Variants in PCDHGA6 observed in about 807,000 individuals in gnomAD.
The protein encoded by PCDHGA6 is protocadherin gamma-A6.
A neutral mutation model predicts 60.6 loss-of-function variants in PCDHGA6; 41 were observed. The observed-to-expected ratio is 0.68, with a 90% CI of 0.53 to 0.88. The LOEUF is 0.88. Ranked by LOEUF, PCDHGA6 falls within the 40% of genes least tolerant of loss-of-function variation. The pLI is 0.00. For missense variants in PCDHGA6, 1,312 were observed against 1,203.0 expected, an observed-to-expected ratio of 1.09 and a Z score of -1.34; for synonymous variants, 594 against 524.4, an observed-to-expected ratio of 1.13 and a Z score of -1.81.
chr5:141,382,360 A>C (rs1310834058), intron 1 of PCDHGA6, among the ~76,000 whole-genome samples: 1 of 152,210 alleles, frequency 6.6e-6, no homozygotes, highest in Non-Finnish European at 1.5e-5. Flanking sequence ...ATTTAAATAA[A>C]ATTTACCTTT....
intron 2 of PCDHGA6, among the ~76,000 whole-genome samples, chr5:141,504,008 C>G (rs2099835164): frequency 6.6e-6 from 1 of 152,208 alleles, no homozygotes; most frequent in South Asian, 2.1e-4. Flanking sequence ...ACTTAACTGT[C>G]TCTGCTGGTC....
At chr5:141,496,994 T>A (rs2099773177) in intron 2 of PCDHGA6, among the ~76,000 whole-genome samples, 1 of 151,862 alleles carries the variant, frequency 6.6e-6, no homozygotes, top group Non-Finnish European at 1.5e-5. Flanking sequence ...GAGACCAGCC[T>A]GGCAGCCAAC....
chr5:141,374,849 C>A lies in PCDHGA6; in HGVS notation c.766C>A (p.Pro256Thr), dbSNP rs1770893112. 3 of 1,613,636 alleles carry A rather than the reference C, an allele frequency of 1.9e-6. No homozygotes were observed. Among genetic ancestry groups the A allele is most frequent in the South Asian group, 1.1e-5 (1 of 91,078 alleles). Residue 256 changes from proline to threonine, a missense_variant, in exon 1 of 4, where the codon CCA becomes ACA. Coordinates refer to ENST00000517434, the MANE Select transcript of PCDHGA6 (RefSeq NM_018919.3). ...CCGTGTAAGTGTTCCTGAAAACCTG[C>A]CAGTAGGCACACCAGTGTTGGCAGT... is the stretch of plus-strand genomic sequence containing the variant. The part of the protein sequence containing the change: ...VYRVSVPENL[P>T]VGTPVLAVTA...
chr5:141,403,202 T>A, intron 1 of PCDHGA6: 4 of 1,613,984 alleles, frequency 2.5e-6, no homozygotes, highest in Non-Finnish European at 3.4e-6. Context: ...CAGCGGCACC[T>A]TGGTCACCGC....
At position 141,512,091 on chromosome 5, in the gene PCDHGA6, A is replaced by C. The variant is rs1329025049; in HGVS notation, c.*918A>C. On this transcript the variant is annotated 3_prime_UTR_variant, in exon 4 of 4. Transcript: ENST00000517434. The stretch of plus-strand genomic sequence containing the variant: ...TCCAGATTCCAGCCATAAACCAATA[A>C]CTAGGCTGGACCCTTCCCACTACAT... 1 of 152,656 alleles carries C rather than the reference A, an allele frequency of 6.6e-6. No homozygotes were observed. The highest frequency in any genetic ancestry group is 2.4e-5 in the African/African-American group (1 of 41,456). 9.5% of individuals were successfully genotyped at this position (152,656 alleles called of 1,614,324 possible). A position where few individuals can be genotyped will look rare whatever the true frequency, so the allele number is the denominator to read the frequency against.
intron 1 of PCDHGA6, chr5:141,421,637 A>T: frequency 6.2e-7 from 1 of 1,613,810 alleles, no homozygotes; most frequent in Non-Finnish European, 8.5e-7. Flanking sequence ...TTCCAGGAGG[A>T]CGAAGTGGAG....
chr5:141,393,126 A>T, intron 1 of PCDHGA6: 1 of 1,613,436 alleles, frequency 6.2e-7, no homozygotes, highest in Non-Finnish European at 8.5e-7. Context: ...GTGTCTGATA[A>T]ATATTAACAC....
intron 1 of PCDHGA6, chr5:141,405,078 T>G: frequency 6.2e-7 from 1 of 1,613,888 alleles, no homozygotes; most frequent in Non-Finnish European, 8.5e-7. Flanking sequence ...ACCTTCGTTA[T>G]CACGCTGCTG....
chr5:141,435,781 C>T (rs3828680), intron 1 of PCDHGA6, among the ~76,000 whole-genome samples: 81,882 of 151,942 alleles, frequency 0.54, 24,120 homozygotes, highest in African/African-American at 0.79. Flanking sequence ...TGTAAAGGTG[C>T]AGGGAAACAT....
At chr5:141,399,927 G>A (rs918358571) in intron 1 of PCDHGA6, 7 of 1,612,226 alleles carry the variant, frequency 4.3e-6, no homozygotes, top group Non-Finnish European at 5.1e-6. Flanking sequence ...ACGCCTGGCT[G>A]TCCTACCACG....
At chr5:141,406,312 C>G (rs2094792276) in intron 1 of PCDHGA6, among the ~76,000 whole-genome samples, 1 of 152,028 alleles carries the variant, frequency 6.6e-6, no homozygotes, top group African/African-American at 2.4e-5. Context: ...CCACCTCACC[C>G]AGCAAATTCT....
chr5:141,457,798 C>T (rs1233396158), intron 1 of PCDHGA6, among the ~76,000 whole-genome samples: 5 of 152,194 alleles, frequency 3.3e-5, no homozygotes, highest in African/African-American at 9.6e-5. Context: ...GTTATCCTCT[C>T]CTCTTGAGGT....
intron 1 of PCDHGA6, chr5:141,410,275 C>A: frequency 6.2e-7 from 1 of 1,614,038 alleles, no homozygotes; most frequent in Non-Finnish European, 8.5e-7. Context: ...TGCAGTTTTA[C>A]CTGGTGGTGG....
At chr5:141,402,639 A>C (rs886333954) in intron 1 of PCDHGA6, among the ~76,000 whole-genome samples, 2 of 152,250 alleles carry the variant, frequency 1.3e-5, no homozygotes. Flanking sequence ...ATCTAAAATC[A>C]TAATTAGAAG....
chr5:141,488,193 T>C (rs1211647195), intron 1 of PCDHGA6, among the ~76,000 whole-genome samples: 1 of 152,122 alleles, frequency 6.6e-6, no homozygotes, highest in Non-Finnish European at 1.5e-5. Flanking sequence ...TTGGTCTGGG[T>C]CTTAGGACTC....
rs185280755 is a variant in PCDHGA6 at position 141,476,824 on chromosome 5, C to T, written c.2425-17983C>T. Reference sequence around the variant, plus strand: ...TGCCTATTCACATCAAGGTGCTGGACGCGAATGACAATGCGCCTGTCTTCA... The same window carrying T: ...TGCCTATTCACATCAAGGTGCTGGATGCGAATGACAATGCGCCTGTCTTCA... On this transcript the variant is annotated intron_variant, in intron 1 of 3. Transcript: ENST00000517434. This position sits in a 1 kb window ranked among gnomAD's most constrained non-coding sequence, Gnocchi z 7.6. 24 of 1,613,588 alleles carry T rather than the reference C, an allele frequency of 1.5e-5. No homozygotes were observed. The East Asian group carries it at 4.5e-4, about 30-fold the overall frequency.
Position 141,404,273 on chromosome 5 carries a change from C to A in PCDHGA6, c.2424+27766C>A, listed in dbSNP as rs751189949. 4.3e-6 allele frequency: 7 copies of A among 1,613,988 alleles called. No homozygotes were observed. The highest frequency in any genetic ancestry group is 5.9e-6 in the Non-Finnish European group (7 of 1,179,880). On this transcript the variant is annotated intron_variant, in intron 1 of 3. Coordinates refer to ENST00000517434, the MANE Select transcript of PCDHGA6 (RefSeq NM_018919.3). ...GTCCACAGAAATTCACATCACCCTG[C>A]AAGTGACTGACATCAATGATAATCC...
rs1212833348 is a variant in PCDHGA6 at position 141,431,379 on chromosome 5, C to T, written c.2424+54872C>T. On this transcript the variant is annotated intron_variant, in intron 1 of 3. Transcript: ENST00000517434. The surrounding 1 kb of genome is among the most constrained non-coding windows in gnomAD (Gnocchi z 4.8). ...GCCCTGGACCGCGAAGAAAAGGCTG[C>T]TCACCACCTGGTCCTTACGGCCTCC... is the stretch of plus-strand genomic sequence containing the variant. 3 of 1,613,946 alleles carry T rather than the reference C, an allele frequency of 1.9e-6. No individual in the cohort carries two copies. Among genetic ancestry groups the T allele is most frequent in the Non-Finnish European group, 2.5e-6 (3 of 1,180,020 alleles).
chr5:141,422,151 G>A (rs763343536), intron 1 of PCDHGA6: 1 of 1,575,938 alleles, frequency 6.3e-7, no homozygotes, highest in Admixed American at 2.0e-5. Flanking sequence ...GGGGGTCTCT[G>A]GATTTTGAAA....
Sources: allele counts gnomAD v4.1 joint callset (sites outside exome capture counted in the v4.1 genomes callset), GRCh38; gene constraint gnomAD v4.1.1; non-coding constraint Gnocchi (gnomAD v3.1); transcripts MANE v1.5; gene names NCBI Gene and HGNC (gene_info 2026-07-23, HGNC 2026-07-21).